Variants in WDFY2 observed in about 807,000 individuals in gnomAD.
WDFY2 encodes WD repeat and FYVE domain containing 2.
In WDFY2, 36 loss-of-function variants were observed where a neutral mutation model predicts 56.4. The ratio of observed to expected loss-of-function variants is 0.64; its 90% CI spans 0.49 to 0.84. The LOEUF (loss-of-function observed/expected upper bound fraction) is 0.84. WDFY2 is among the 40% of genes least tolerant of loss of function. The pLI is 0.00. For missense variants in WDFY2, 444 were observed against 512.2 expected, an observed-to-expected ratio of 0.87 and a Z score of 1.29; for synonymous variants, 176 against 183.7, an observed-to-expected ratio of 0.96 and a Z score of 0.34.
intron 3 of WDFY2, among the ~76,000 whole-genome samples, chr13:51,696,234 C>T (rs1480292651): frequency 6.6e-6 from 1 of 152,226 alleles, no homozygotes; most frequent in East Asian, 1.9e-4. Context: ...CCCAGTACCT[C>T]AGATGGAAAT....
In WDFY2 at chr13:51,760,855, ACTTG is replaced by A. The variant is rs1261490256; in HGVS notation, c.*1092_*1095del. 2.6e-5 allele frequency: 4 copies of A among 152,286 alleles called. No homozygotes were observed. Among genetic ancestry groups the A allele is most frequent in the African/African-American group, 9.7e-5 (4 of 41,444 alleles). The allele number at this position is 152,286 out of a possible 1,614,324, so 9.4% of individuals were successfully genotyped here. ...TGGGAGGCGGAGCCCAGGCAGTAAC[ACTTG>A]CTTGCCCACTGCTCACGTCTGATGG... On this transcript the variant is annotated 3_prime_UTR_variant, in exon 12 of 12. Coordinates refer to ENST00000298125, the MANE Select transcript of WDFY2 (RefSeq NM_052950.4).
intron 1 of WDFY2, among the ~76,000 whole-genome samples, chr13:51,610,050 G>T (rs1296808451): frequency 6.6e-6 from 1 of 152,100 alleles, no homozygotes. Flanking sequence ...GCTGAAAAAG[G>T]CAAGAATGAG....
intron 5 of WDFY2, among the ~76,000 whole-genome samples, chr13:51,722,463 G>T (rs1952512472): frequency 6.6e-6 from 1 of 151,542 alleles, no homozygotes; most frequent in South Asian, 2.1e-4. Context: ...CCTGTAATAG[G>T]AACAACAAGA....
At position 51,716,997 on chromosome 13, in the gene WDFY2, C is replaced by T. The variant is rs566342989; in HGVS notation, c.335-2201C>T. On this transcript the variant is annotated intron_variant, in intron 4 of 11. Transcript: ENST00000298125. ...AATCCAGTTCATTACAAAATATTCC[C>T]AGCAAACTAGGACTAGAGGGGAGCT... Among the ~76,000 whole-genome samples the T allele has an allele frequency of 1.1e-4, 16 of 152,142 alleles. 1 individual carries two copies. In the South Asian group the frequency reaches 3.3e-3, roughly 32 times the overall value.
intron 1 of WDFY2, among the ~76,000 whole-genome samples, chr13:51,654,208 G>A (rs941682310): frequency 8.5e-5 from 13 of 152,210 alleles, no homozygotes; most frequent in Middle Eastern, 3.2e-3. Context: ...CGAGCCAGGC[G>A]CGGGATACAA....
chr13:51,646,570 C>G (rs1163116916), intron 1 of WDFY2, among the ~76,000 whole-genome samples: 2 of 152,220 alleles, frequency 1.3e-5, no homozygotes, highest in East Asian at 1.9e-4. Context: ...CTTTGTGGTT[C>G]CAGTGTGTTT....
intron 4 of WDFY2, among the ~76,000 whole-genome samples, 180 bp downstream of exon 4, chr13:51,703,830 C>G (rs1178135054): frequency 6.6e-6 from 1 of 152,126 alleles, no homozygotes; most frequent in East Asian, 1.9e-4. Flanking sequence ...GGTTGGGTGG[C>G]TTGCCTGGGG....
chr13:51,584,755 C>T lies in WDFY2; in HGVS notation c.68C>T (p.Ser23Phe), dbSNP rs1253889825. The T allele has an allele frequency of 3.1e-6, 5 of 1,613,758 alleles. No homozygotes were observed. The highest frequency in any genetic ancestry group is 4.2e-6 in the Non-Finnish European group (5 of 1,179,806). ...ATCCTGCTGCAGCGGATGGAGGGGT[C>T]CCAGGAGGTGGTGAATATGGCCGTG... Reference protein sequence around the residue: ...KPILLQRMEGSQEVVNMAVIV... With the variant: ...KPILLQRMEGFQEVVNMAVIV... The change falls in exon 1 of 12, where the codon TCC becomes TTC. Residue 23 changes from serine (S) to phenylalanine (F), a missense_variant. By Grantham distance (155) the Ser-to-Phe change is radical. Coordinates refer to ENST00000298125, the MANE Select transcript of WDFY2 (RefSeq NM_052950.4).
intron 4 of WDFY2, among the ~76,000 whole-genome samples, chr13:51,708,865 T>G (rs553479044): frequency 1.3e-5 from 2 of 152,320 alleles, no homozygotes; most frequent in South Asian, 4.1e-4. Flanking sequence ...CTGGAGTGAC[T>G]TTTTAAATAT....
chr13:51,748,967 A>G (rs1372724487), intron 7 of WDFY2, among the ~76,000 whole-genome samples: 3 of 152,216 alleles, frequency 2.0e-5, no homozygotes, highest in Non-Finnish European at 4.4e-5. Flanking sequence ...TCTCGAAAGT[A>G]TACAATGGAG....
At chr13:51,675,858 G>T (rs556997111) in intron 3 of WDFY2, among the ~76,000 whole-genome samples, 3 of 152,038 alleles carry the variant, frequency 2.0e-5, no homozygotes, top group Non-Finnish European at 2.9e-5. Context: ...TTGGAATTTT[G>T]GCTTTTATTT....
intron 1 of WDFY2, among the ~76,000 whole-genome samples, chr13:51,634,894 C>T (rs1481008522): frequency 2.0e-5 from 3 of 151,784 alleles, no homozygotes; most frequent in Non-Finnish European, 4.4e-5. Flanking sequence ...ATGCAGAGTC[C>T]CCCCATAAGG....
intron 3 of WDFY2, among the ~76,000 whole-genome samples, chr13:51,697,173 C>T (rs575195028): frequency 2.0e-5 from 3 of 152,082 alleles, no homozygotes; most frequent in Non-Finnish European, 4.4e-5. Context: ...TTGGCACAAA[C>T]TGTTTAGAAA....
intron 1 of WDFY2, among the ~76,000 whole-genome samples, chr13:51,607,742 A>G (rs1161055989): frequency 6.6e-6 from 1 of 152,184 alleles, no homozygotes; most frequent in African/African-American, 2.4e-5. Context: ...GCTGCACAAC[A>G]GTTCAGCAAA....
Position 51,584,555 on chromosome 13 carries a change from C to G in WDFY2, c.-133C>G, listed in dbSNP as rs1253190445. ...TCCCGAGAGAGGCGGCCAGGCTATG[C>G]TCGCCGGTTTCCGGCGTTCCGCTCC... On this transcript the variant is annotated 5_prime_UTR_variant, in exon 1 of 12. Coordinates refer to ENST00000298125, the MANE Select transcript of WDFY2 (RefSeq NM_052950.4). 28 of 1,289,348 alleles carry G rather than the reference C, an allele frequency of 2.2e-5. No individual in the cohort carries two copies. The highest frequency in any genetic ancestry group is 2.9e-5 in the Non-Finnish European group (28 of 969,706). The allele number at this position is 1,289,348 out of a possible 1,614,324, so 79.9% of individuals were successfully genotyped here. A position where few individuals can be genotyped will look rare whatever the true frequency, so the allele number is the denominator to read the frequency against.
In WDFY2 at chr13:51,584,837, G is replaced by T. The variant is rs768621596; in HGVS notation, c.137+13G>T. 2 of 1,612,824 alleles carry T rather than the reference G, an allele frequency of 1.2e-6. No homozygotes were observed. The highest frequency in any genetic ancestry group is 1.3e-5 in the African/African-American group (1 of 74,908). ...TCTCCGAGGACAGGTATGGACTACT[G>T]CCATTCGGCCGCGAGGAGGGGCGGG... On this transcript the variant is annotated intron_variant, in intron 1 of 11. Coordinates refer to ENST00000298125, the MANE Select transcript of WDFY2 (RefSeq NM_052950.4).
intron 5 of WDFY2, among the ~76,000 whole-genome samples, chr13:51,721,589 C>T (rs957789090): frequency 2.0e-5 from 3 of 151,854 alleles, no homozygotes; most frequent in South Asian, 2.1e-4. Flanking sequence ...AGCAGAAAGT[C>T]GTATGATTGG....
intron 7 of WDFY2, among the ~76,000 whole-genome samples, chr13:51,744,856 C>G (rs1303591220): frequency 6.6e-6 from 1 of 152,140 alleles, no homozygotes; most frequent in Admixed American, 6.5e-5. Context: ...AACGTGTAAA[C>G]CTGGGATGTT....
intron 1 of WDFY2, among the ~76,000 whole-genome samples, chr13:51,615,305 G>A (rs1954590075): frequency 6.6e-6 from 1 of 151,462 alleles, no homozygotes; most frequent in South Asian, 2.1e-4. Context: ...ACAACATACA[G>A]ATAGTAAAAA....
Sources: gnomAD v4.1 joint callset for allele counts (sites outside exome capture counted in the v4.1 genomes callset) on GRCh38, gnomAD v4.1.1 for gene constraint, MANE v1.5 for transcripts, NCBI Gene and HGNC (gene_info 2026-07-23, HGNC 2026-07-21) for gene names.